CLU: variants seen among roughly 807,000 people sequenced by gnomAD.
CLU encodes the protein clusterin.
Under a neutral mutation model 46.4 loss-of-function variants are expected in CLU, and 25 were observed. The observed-to-expected ratio is 0.54, with a 90% CI of 0.39 to 0.75. The LOEUF is 0.75. Ranked by LOEUF, CLU falls within the 30% of genes least tolerant of loss-of-function variation. The pLI is 0.00. For synonymous variants in CLU, 235 were observed against 235.1 expected (o/e 1.00, Z 0.00); for missense variants, 504 against 592.1 (o/e 0.85, Z 1.54).
In CLU at chr8:27,597,920, C is replaced by T. The variant is rs115801357; in HGVS notation, c.*321G>A. 4.4e-3 allele frequency: 2,573 copies of T among 590,098 alleles called. 40 individuals carry two copies. The highest frequency in any genetic ancestry group is 0.038 in the African/African-American group (2,066 of 54,562). The allele number at this position is 590,098 out of a possible 1,614,324, so 36.6% of individuals were successfully genotyped here. A position where few individuals can be genotyped will look rare whatever the true frequency, so the allele number is the denominator to read the frequency against. ...TGTTTCTACTTATTTTCCATCCCCC[C>T]TGCCTGCCCCCCATAGCAAAATGAA... On this transcript the variant is annotated 3_prime_UTR_variant, in exon 9 of 9. Transcript: ENST00000316403.
intron 6 of CLU, among the ~76,000 whole-genome samples, chr8:27,603,157 G>A (rs1800752210): frequency 6.6e-6 from 1 of 152,158 alleles, no homozygotes; most frequent in African/African-American, 2.4e-5. Context: ...AGCATAAGAG[G>A]TCCAATCTGG....
In CLU at chr8:27,605,314, T is replaced by G; in HGVS notation, c.439A>C (p.Ser147Arg). ...TTCATCCAGAAGTAGAAGGGCGAGC[T>G]CTGGTTCAGGAACTCCTCAAGCTGG... is the stretch of plus-strand genomic sequence containing the variant. Reference protein sequence around the residue: ...GRQLEEFLNQSSPFYFWMNGD... With the variant: ...GRQLEEFLNQRSPFYFWMNGD... Residue 147 changes from serine to arginine, a missense_variant, in exon 5 of 9, where the codon AGC becomes CGC. Physicochemically the swap from Ser to Arg is moderately radical, Grantham distance 110. Around this residue, in one of 3 missense-constraint regions of CLU, gnomAD observed 428 missense variants for 484.0 expected, o/e 0.88. Coordinates refer to ENST00000316403, the MANE Select transcript of CLU (RefSeq NM_001831.4). 6.2e-7 allele frequency: 1 copy of G among 1,614,122 alleles called. No homozygotes were observed. The highest frequency in any genetic ancestry group is 1.3e-5 in the African/African-American group (1 of 75,026).
intron 1 of CLU, chr8:27,611,915 C>A: frequency 2.7e-6 from 1 of 367,652 alleles, no homozygotes; most frequent in Non-Finnish European, 5.3e-6. Flanking sequence ...CTTTGTCATG[C>A]CAGAGAGACA....
At chr8:27,600,758 C>T (rs1175376953) in intron 6 of CLU, among the ~76,000 whole-genome samples, 1 of 152,166 alleles carries the variant, frequency 6.6e-6, no homozygotes, top group Non-Finnish European at 1.5e-5. Context: ...TCACAGCTGC[C>T]ATTCGTGTGG....
rs752928666 is a variant in CLU at position 27,598,115 on chromosome 8, T to G, written c.*126A>C. ...CAGAGCGGGGAGAGGCTGGGCGGAG[T>G]TGGGGGCCTGGAGGCTGGGGCCTGG... is the stretch of plus-strand genomic sequence containing the variant. On this transcript the variant is annotated 3_prime_UTR_variant, in exon 9 of 9. Coordinates refer to ENST00000316403, the MANE Select transcript of CLU (RefSeq NM_001831.4). 2.1e-5 allele frequency: 18 copies of G among 862,960 alleles called. No homozygotes were observed. The highest frequency in any genetic ancestry group is 3.5e-5 in the Non-Finnish European group (18 of 514,556). 53.5% of individuals were successfully genotyped at this position (862,960 alleles called of 1,614,324 possible). A position where few individuals can be genotyped will look rare whatever the true frequency, so the allele number is the denominator to read the frequency against.
intron 1 of CLU, among the ~76,000 whole-genome samples, chr8:27,613,416 A>G (rs968840525): frequency 6.6e-6 from 1 of 151,506 alleles, no homozygotes; most frequent in Non-Finnish European, 1.5e-5. Context: ...GAGAAAAGAA[A>G]GAAAGAAAAT....
rs1429224215 is a variant in CLU, at chr8:27,614,645, G to A, written c.-30+10C>T. 1.9e-6 allele frequency: 1 copy of A among 526,390 alleles called. No homozygotes were observed. Among genetic ancestry groups the A allele is most frequent in the East Asian group, 5.6e-5 (1 of 18,010 alleles). 32.6% of individuals were successfully genotyped at this position (526,390 alleles called of 1,614,324 possible). On this transcript the variant is annotated intron_variant, in intron 1 of 8. Coordinates refer to ENST00000316403, the MANE Select transcript of CLU (RefSeq NM_001831.4). ...TCTGCTCAAGGGTAGGGAAGACGGG[G>A]ACATCTCACCGGTCAGCGGCACCCT...
At chr8:27,610,987 C>A in intron 1 of CLU, 1 of 365,676 alleles carries the variant, frequency 2.7e-6, no homozygotes, top group Non-Finnish European at 5.4e-6. Context: ...GAAAATACCC[C>A]CCTTAGGTCA....
chr8:27,609,144 C>G, intron 2 of CLU, 58 bp from the exon 3 acceptor site: 1 of 1,584,222 alleles, frequency 6.3e-7, no homozygotes. Flanking sequence ...CCTCAGGACC[C>G]TGGAATGAGC....
chr8:27,605,358 A>G, intron 4 of CLU, 23 bp from the exon 5 acceptor site: 1 of 1,613,798 alleles, frequency 6.2e-7, no homozygotes, highest in South Asian at 1.1e-5. Context: ...GCATGGGCAC[A>G]GTTAGGAGAA....
rs1228984696 is a variant in CLU, at chr8:27,605,471, C to T, written c.418-136G>A. The stretch of plus-strand genomic sequence containing the variant: ...ACACAGCAAGTGACCAACAGCCCAG[C>T]TGGGACCAGCCCCCAGCACCCCATC... On this transcript the variant is annotated intron_variant, in intron 4 of 8. Coordinates refer to ENST00000316403, the MANE Select transcript of CLU (RefSeq NM_001831.4). The T allele has an allele frequency of 1.1e-5, 9 of 843,494 alleles. No individual in the cohort carries two copies. The East Asian group carries it at 2.4e-4, about 22-fold the overall frequency. 52.3% of individuals were successfully genotyped at this position (843,494 alleles called of 1,614,324 possible). A position where few individuals can be genotyped will look rare whatever the true frequency, so the allele number is the denominator to read the frequency against.
In CLU at chr8:27,600,003, G is replaced by T; in HGVS notation, c.941C>A (p.Ser314Tyr). ...KCREILSVDC[S>Y]TNNPSQAKLR... ...CTTAGCCTGGGAGGGGTTGTTGGTG[G>T]AACAGTCTGCCCAGAGATGGAAGAA... The change falls in exon 7 of 9, where the codon TCC (serine) becomes TAC (tyrosine). Residue 314 changes from serine to tyrosine, a missense_variant. Ser to Tyr is a moderately radical substitution (Grantham distance 144, BLOSUM62 -2). Coordinates refer to ENST00000316403, the MANE Select transcript of CLU (RefSeq NM_001831.4). 3 of 1,613,706 alleles carry T rather than the reference G, an allele frequency of 1.9e-6. No homozygotes were observed. The highest frequency in any genetic ancestry group is 1.1e-5 in the South Asian group (1 of 91,058).
chr8:27,605,464 AG>A (rs1281116639), intron 4 of CLU, 129 bp from the exon 5 acceptor site: 2 of 946,572 alleles, frequency 2.1e-6, no homozygotes, highest in African/African-American at 3.2e-5. Flanking sequence ...AGTGACCAAC[AG>A]CCCAGCTGGG....
chr8:27,607,471 C>A (rs1185023895), intron 3 of CLU, among the ~76,000 whole-genome samples: 1 of 151,426 alleles, frequency 6.6e-6, no homozygotes, highest in Non-Finnish European at 1.5e-5. Flanking sequence ...CAGAACCAAC[C>A]CAGATGCTTA....
intron 6 of CLU, among the ~76,000 whole-genome samples, chr8:27,601,729 CAG>C (rs1800724748): frequency 6.6e-6 from 1 of 152,044 alleles, no homozygotes; most frequent in Non-Finnish European, 1.5e-5. Flanking sequence ...GGGAAAGAAA[CAG>C]AATTACTAAC....
intron 2 of CLU, 132 bp from the exon 3 acceptor site, chr8:27,609,218 G>T (rs2128909988): frequency 1.1e-6 from 1 of 934,344 alleles, no homozygotes; most frequent in Non-Finnish European, 1.7e-6. Context: ...ACTCCTGCCA[G>T]CAGGCAGCAG....
At chr8:27,605,778 A>G (rs887044709) in intron 4 of CLU, among the ~76,000 whole-genome samples, 1 of 152,176 alleles carries the variant, frequency 6.6e-6, no homozygotes. Flanking sequence ...GCACACATCT[A>G]TAATCCCAAC....
At chr8:27,598,352 G>GA in intron 8 of CLU, 102 bp from the exon 9 acceptor site, 22 of 1,593,092 alleles carry the variant, frequency 1.4e-5, no homozygotes, top group Non-Finnish European at 1.8e-5. Flanking sequence ...CTGGCTCCGG[G>GA]CGGAGTCGTT....
intron 3 of CLU, 68 bp downstream of exon 3, chr8:27,608,870 G>A (rs1017746485): frequency 2.4e-5 from 38 of 1,568,720 alleles, no homozygotes; most frequent in South Asian, 5.5e-5. Flanking sequence ...AGGGCACCGC[G>A]CAGTGACCCC....
Sources: allele counts gnomAD v4.1 joint callset (sites outside exome capture counted in the v4.1 genomes callset), GRCh38; gene constraint gnomAD v4.1.1; regional missense constraint gnomAD v4.1.1; transcripts MANE v1.5; gene names NCBI Gene and HGNC (gene_info 2026-07-23, HGNC 2026-07-21).